TOX3: variants seen among roughly 807,000 people sequenced by gnomAD.
TOX3 encodes the protein TOX high mobility group box family member 3.
A neutral mutation model predicts 64.3 loss-of-function variants in TOX3; 22 were observed. That is an observed-to-expected ratio of 0.34 (90% CI 0.24 to 0.49). The LOEUF (loss-of-function observed/expected upper bound fraction) is 0.49. TOX3 is among the 20% of genes least tolerant of loss of function. The pLI, the probability that TOX3 is intolerant of heterozygous loss-of-function variation, is 0.99. For missense variants in TOX3, 661 were observed against 714.4 expected, an observed-to-expected ratio of 0.93 and a Z score of 0.85; for synonymous variants, 291 against 273.6, an observed-to-expected ratio of 1.06 and a Z score of -0.63.
chr16:52,436,943 C>G lies in TOX3; in HGVS notation c.*2282G>C, dbSNP rs1959769978. On this transcript the variant is annotated 3_prime_UTR_variant, in exon 7 of 7. Transcript: ENST00000219746. ...AGCAATTAATTTTGAAGACATCTGT[C>G]TAAAGGTTTCACAACAGAATATAAA... 1 of 152,174 alleles carries G rather than the reference C, an allele frequency of 6.6e-6. No individual in the cohort carries two copies. The highest frequency in any genetic ancestry group is 6.5e-5 in the Admixed American group (1 of 15,274). The allele number at this position is 152,174 out of a possible 1,614,324, so 9.4% of individuals were successfully genotyped here.
chr16:52,477,091 T>C (rs1961229143), intron 1 of TOX3, among the ~76,000 whole-genome samples: 1 of 152,170 alleles, frequency 6.6e-6, no homozygotes, highest in Non-Finnish European at 1.5e-5. Flanking sequence ...CTGAGTATAG[T>C]ACCCAATAGT....
At chr16:52,533,644 A>G (rs1962893940) in intron 1 of TOX3, among the ~76,000 whole-genome samples, 1 of 152,208 alleles carries the variant, frequency 6.6e-6, no homozygotes, top group Non-Finnish European at 1.5e-5. Flanking sequence ...TTCCATTTGC[A>G]GTAGTCTTAA....
chr16:52,544,562 T>G (rs1963136434), intron 1 of TOX3, among the ~76,000 whole-genome samples: 2 of 152,236 alleles, frequency 1.3e-5, no homozygotes. Context: ...ACGATCAGAT[T>G]GCTAAATAAG....
intron 1 of TOX3, among the ~76,000 whole-genome samples, chr16:52,474,616 C>CA (rs1213436621): frequency 2.2e-3 from 246 of 109,516 alleles, no homozygotes; most frequent in African/African-American, 4.5e-3. Flanking sequence ...GACCCTGTCT[C>CA]AAAAAAAAAA....
chr16:52,441,078 T>C (rs1227303993), intron 6 of TOX3, among the ~76,000 whole-genome samples: 8 of 152,142 alleles, frequency 5.3e-5, no homozygotes, highest in Admixed American at 4.6e-4. Flanking sequence ...TATGGTATTT[T>C]TCTTGTGCAG....
intron 1 of TOX3, among the ~76,000 whole-genome samples, chr16:52,517,616 A>C (rs993997630): frequency 5.3e-5 from 8 of 152,126 alleles, no homozygotes; most frequent in Non-Finnish European, 4.4e-5. Flanking sequence ...GGTAGACTAC[A>C]TGCATCTTAC....
At chr16:52,485,141 GTATA>G (rs1210378119) in intron 1 of TOX3, among the ~76,000 whole-genome samples, 9 of 106,448 alleles carry the variant, frequency 8.5e-5, no homozygotes, top group African/African-American at 2.4e-4. Flanking sequence ...ACATATGTGT[GTATA>G]TGTGTGTGTA....
intron 6 of TOX3, among the ~76,000 whole-genome samples, chr16:52,443,889 A>G (rs1484199771): frequency 6.6e-6 from 1 of 152,164 alleles, no homozygotes; most frequent in African/African-American, 2.4e-5. Flanking sequence ...AATTGTAGTA[A>G]TATAACCACA....
At chr16:52,495,233 C>T (rs1483944309) in intron 1 of TOX3, among the ~76,000 whole-genome samples, 1 of 152,154 alleles carries the variant, frequency 6.6e-6, no homozygotes, top group Non-Finnish European at 1.5e-5. Flanking sequence ...CCAGAACGTG[C>T]TTTTGGAAAC....
At chr16:52,495,959 G>A (rs1052300095) in intron 1 of TOX3, among the ~76,000 whole-genome samples, 5 of 151,978 alleles carry the variant, frequency 3.3e-5, no homozygotes, top group East Asian at 1.9e-4. Flanking sequence ...TGAACCATGG[G>A]GCAATAAAAA....
intron 2 of TOX3, among the ~76,000 whole-genome samples, chr16:52,465,473 T>G (rs935255367): frequency 7.1e-6 from 1 of 139,972 alleles, no homozygotes; most frequent in African/African-American, 2.6e-5. Flanking sequence ...CTTTTTGGTT[T>G]TTTTTTTTTT....
intron 1 of TOX3, among the ~76,000 whole-genome samples, chr16:52,540,698 C>T (rs539656860): frequency 6.6e-6 from 1 of 152,248 alleles, no homozygotes; most frequent in African/African-American, 2.4e-5. Flanking sequence ...AGAAAGTACT[C>T]ATTTGTGACC....
intron 1 of TOX3, among the ~76,000 whole-genome samples, chr16:52,514,164 G>A (rs1416449799): frequency 2.0e-5 from 3 of 152,146 alleles, no homozygotes; most frequent in African/African-American, 4.8e-5. Context: ...TTATTTCTAA[G>A]GGAATCAGAA....
chr16:52,444,421 G>C, intron 5 of TOX3, 65 bp from the exon 6 acceptor site: 3 of 1,346,336 alleles, frequency 2.2e-6, no homozygotes, highest in Non-Finnish European at 3.1e-6. Context: ...AATAGCTGCT[G>C]CACAAATTAG....
rs67145443 is a variant in TOX3 at position 52,437,789 on chromosome 16, TAAAAAAAAAAAAA to T, written c.*1423_*1435del. The stretch of plus-strand genomic sequence containing the variant: ...CTATACTTACCTTGTACTTGCATCT[TAAAAAAAAAAAAA>T]AAAAAAAAAAAGACAATTACACAAA... On this transcript the variant is annotated 3_prime_UTR_variant, in exon 7 of 7. Transcript: ENST00000219746. 1.8e-5 allele frequency among the ~76,000 whole-genome samples: 2 copies of T among 111,368 alleles called. No individual in the cohort carries two copies. The highest frequency in any genetic ancestry group is 6.8e-5 in the African/African-American group (2 of 29,530). The allele number at this position is 111,368 out of a possible 152,430, so 73.1% of individuals were successfully genotyped here.
chr16:52,521,649 T>C (rs1596855763), intron 1 of TOX3, among the ~76,000 whole-genome samples: 1 of 152,220 alleles, frequency 6.6e-6, no homozygotes, highest in African/African-American at 2.4e-5. Context: ...TGGATGCAAG[T>C]ATGATCTCTC....
intron 1 of TOX3, among the ~76,000 whole-genome samples, chr16:52,531,368 C>T (rs1216516666): frequency 6.6e-6 from 1 of 152,138 alleles, no homozygotes; most frequent in Non-Finnish European, 1.5e-5. Context: ...AAACTCACCA[C>T]CTGTTTTCCA....
Position 52,437,789 on chromosome 16 carries a change from TAAAAA to T in TOX3, c.*1431_*1435del, listed in dbSNP as rs67145443. Among the ~76,000 whole-genome samples the T allele has an allele frequency of 1.7e-4, 19 of 111,342 alleles. No individual in the cohort carries two copies. Among genetic ancestry groups the T allele is most frequent in the African/African-American group, 5.4e-4 (16 of 29,562 alleles). 73.0% of individuals were successfully genotyped at this position (111,342 alleles called of 152,430 possible). A position where few individuals can be genotyped will look rare whatever the true frequency, so the allele number is the denominator to read the frequency against. On this transcript the variant is annotated 3_prime_UTR_variant, in exon 7 of 7. Coordinates refer to ENST00000219746, the MANE Select transcript of TOX3 (RefSeq NM_001080430.4). ...CTATACTTACCTTGTACTTGCATCT[TAAAAA>T]AAAAAAAAAAAAAAAAAAAGACAAT...
chr16:52,441,007 C>T (rs927536555), intron 6 of TOX3, among the ~76,000 whole-genome samples: 1 of 151,944 alleles, frequency 6.6e-6, no homozygotes, highest in Non-Finnish European at 1.5e-5. Flanking sequence ...CGTGATCTGC[C>T]CACCTCGGCC....
Sources: allele counts gnomAD v4.1 joint callset (sites outside exome capture counted in the v4.1 genomes callset), GRCh38; gene constraint gnomAD v4.1.1; transcripts MANE v1.5; gene names NCBI Gene and HGNC (gene_info 2026-07-23, HGNC 2026-07-21).